The following CD2AP variants were observed in gnomAD, a reference collection of about 807,000 sequenced individuals.
CD2AP encodes the protein CD2 associated protein.
CD2AP carries 46 observed loss-of-function variants against 85.1 expected under a neutral mutation model. The ratio of observed to expected loss-of-function variants is 0.54; its 90% CI spans 0.43 to 0.69. CD2AP has a LOEUF of 0.69. Among genes scored for constraint, CD2AP ranks in the 30% least tolerant of loss-of-function variants. The pLI is 0.00. For synonymous variants in CD2AP, 255 were observed against 252.9 expected (o/e 1.01, Z -0.08); for missense variants, 769 against 729.5 (o/e 1.05, Z -0.62).
chr6:47,576,174 C>G (rs1358270994), intron 6 of CD2AP, among the ~76,000 whole-genome samples: 4 of 152,148 alleles, frequency 2.6e-5, no homozygotes, highest in South Asian at 2.1e-4. Flanking sequence ...CTCCTGGTTT[C>G]ATGCAGTTCT....
chr6:47,502,824 C>T (rs1206834718), intron 1 of CD2AP, among the ~76,000 whole-genome samples: 2 of 152,058 alleles, frequency 1.3e-5, no homozygotes, highest in African/African-American at 2.4e-5. Context: ...CTGTCTGCCT[C>T]GGCCTCCCAA....
At chr6:47,569,825 G>A (rs1364395856) in intron 5 of CD2AP, among the ~76,000 whole-genome samples, 3 of 152,100 alleles carry the variant, frequency 2.0e-5, no homozygotes. Flanking sequence ...TTACCTTGGG[G>A]TCTGTAATCA....
At chr6:47,622,533 C>A (rs556188684) in intron 17 of CD2AP, among the ~76,000 whole-genome samples, 62 of 152,168 alleles carry the variant, frequency 4.1e-4, no homozygotes, top group Non-Finnish European at 3.7e-4. Context: ...TCCTCTACCC[C>A]CCTTGTATTT....
intron 2 of CD2AP, among the ~76,000 whole-genome samples, chr6:47,510,482 G>C (rs1766282779): frequency 6.6e-6 from 1 of 152,034 alleles, no homozygotes; most frequent in African/African-American, 2.4e-5. Context: ...AAATTAAGTG[G>C]TTAAAAAAAC....
chr6:47,505,611 G>T (rs531482659), intron 2 of CD2AP, among the ~76,000 whole-genome samples: 1 of 86,184 alleles, frequency 1.2e-5, no homozygotes, highest in Non-Finnish European at 2.6e-5. Context: ...GCGGCTGGCC[G>T]GGCGGGGGGG....
intron 14 of CD2AP, among the ~76,000 whole-genome samples, chr6:47,607,201 G>T (rs887428604): frequency 1.3e-5 from 2 of 151,862 alleles, no homozygotes; most frequent in African/African-American, 2.4e-5. Context: ...TTATCCATTT[G>T]TCTGTTGATG....
At position 47,561,920 on chromosome 6, in the gene CD2AP, C is replaced by T. The variant is rs527297900; in HGVS notation, c.541+7154C>T. Among the ~76,000 whole-genome samples, 11 of 152,226 alleles carry T rather than the reference C, an allele frequency of 7.2e-5. No individual in the cohort carries two copies. The East Asian group carries it at 1.9e-3, about 27-fold the overall frequency. On this transcript the variant is annotated intron_variant, in intron 5 of 17. Coordinates refer to ENST00000359314, the MANE Select transcript of CD2AP (RefSeq NM_012120.3). Reference sequence around the variant, plus strand: ...GTCAACCTCCCAAGTAGGCGCCCACCACCACACCCAGCTAATTTTTTTGTA... The same window carrying T: ...GTCAACCTCCCAAGTAGGCGCCCACTACCACACCCAGCTAATTTTTTTGTA...
At chr6:47,577,148 G>A in intron 8 of CD2AP, 45 bp downstream of exon 8, 1 of 1,038,138 alleles carries the variant, frequency 9.6e-7, no homozygotes, top group South Asian at 1.3e-5. Flanking sequence ...TTTATTTATA[G>A]AAATATTTTT....
At chr6:47,623,164 G>T (rs555356234) in intron 17 of CD2AP, among the ~76,000 whole-genome samples, 1 of 152,090 alleles carries the variant, frequency 6.6e-6, no homozygotes, top group Admixed American at 6.6e-5. Context: ...ATTAATAAAC[G>T]GTTCTTGAGT....
intron 1 of CD2AP, among the ~76,000 whole-genome samples, chr6:47,500,337 T>C (rs1239611251): frequency 2.6e-5 from 4 of 152,176 alleles, no homozygotes; most frequent in African/African-American, 9.6e-5. Context: ...TTTCTGGTCT[T>C]TTTGAGGTCT....
Position 47,533,669 on chromosome 6 carries a change from T to C in CD2AP, c.233T>C (p.Val78Ala). The change falls in exon 3 of 18, where the codon GTA (valine) becomes GCA (alanine). Residue 78 changes from valine (V) to alanine (A), a missense_variant. By Grantham distance (64) the Val-to-Ala change is moderately conservative (BLOSUM62 0). Coordinates refer to ENST00000359314, the MANE Select transcript of CD2AP (RefSeq NM_012120.3). ...LPIKRERHGN[V>A]ASLVQRISTY... ...ATCAAACGGGAAAGGCATGGGAATG[T>C]AGCAAGTCTTGTACAACGAATAAGC... 1 of 1,614,090 alleles carries C rather than the reference T, an allele frequency of 6.2e-7. No individual in the cohort carries two copies. Among genetic ancestry groups the C allele is most frequent in the Non-Finnish European group, 8.5e-7 (1 of 1,179,976 alleles).
intron 3 of CD2AP, among the ~76,000 whole-genome samples, chr6:47,543,861 A>G (rs1358136643): frequency 6.6e-6 from 1 of 152,198 alleles, no homozygotes; most frequent in Non-Finnish European, 1.5e-5. Flanking sequence ...CATATCTCAC[A>G]AGCTCCCAGG....
rs754966889 is a variant in CD2AP at position 47,574,157 on chromosome 6, G to A, written c.635G>A (p.Arg212Gln). The A allele has an allele frequency of 2.0e-5, 32 of 1,613,856 alleles. No homozygotes were observed. Among genetic ancestry groups the A allele is most frequent in the Middle Eastern group, 1.6e-4 (1 of 6,082 alleles). Residue 212 changes from arginine to glutamine, a missense_variant, in exon 6 of 18, where the codon CGA becomes CAA. By Grantham distance (43) the Arg-to-Gln change is conservative. Transcript: ENST00000359314. ...SGSVTQPKKI[R>Q]GIGFGDIFKE... ...TCAGTTACACAGCCAAAGAAAATTC[G>A]AGGAATTGGATTTGGAGACATTTTT...
intron 4 of CD2AP, among the ~76,000 whole-genome samples, chr6:47,546,516 A>C (rs1393205195): frequency 6.6e-6 from 1 of 152,178 alleles, no homozygotes; most frequent in East Asian, 1.9e-4. Flanking sequence ...GAAATTTATC[A>C]CAAAAAGATT....
chr6:47,560,423 A>ATTAT (rs1333836448), intron 5 of CD2AP, among the ~76,000 whole-genome samples: 1 of 151,836 alleles, frequency 6.6e-6, no homozygotes, highest in Non-Finnish European at 1.5e-5. Context: ...CCTGAAAAGG[A>ATTAT]TTATACATGG....
At chr6:47,531,859 G>T (rs946428181) in intron 2 of CD2AP, among the ~76,000 whole-genome samples, 15 of 151,948 alleles carry the variant, frequency 9.9e-5, no homozygotes, top group Non-Finnish European at 1.6e-4. Flanking sequence ...GATCACCTGA[G>T]GTCAGGGGTT....
intron 3 of CD2AP, among the ~76,000 whole-genome samples, chr6:47,539,429 A>G (rs1260946112): frequency 6.6e-6 from 1 of 152,216 alleles, no homozygotes; most frequent in African/African-American, 2.4e-5. Context: ...ACCCACAGAA[A>G]TAAGCAAGTA....
intron 3 of CD2AP, among the ~76,000 whole-genome samples, chr6:47,544,255 A>C (rs1767308643): frequency 6.6e-6 from 1 of 152,196 alleles, no homozygotes; most frequent in African/African-American, 2.4e-5. Context: ...GTAGTCTGAA[A>C]ATCACTAGCC....
intron 5 of CD2AP, among the ~76,000 whole-genome samples, chr6:47,556,040 T>A (rs903126949): frequency 4.1e-5 from 6 of 147,288 alleles, no homozygotes. Context: ...AAGAATGCAA[T>A]TTTTTTTTCC....
Sources: allele counts gnomAD v4.1 joint callset (sites outside exome capture counted in the v4.1 genomes callset), GRCh38; gene constraint gnomAD v4.1.1; transcripts MANE v1.5; gene names NCBI Gene and HGNC (gene_info 2026-07-23, HGNC 2026-07-21).